The following PCDH15 variants were observed in gnomAD, a reference collection of about 807,000 sequenced individuals.
The protein encoded by PCDH15 is protocadherin related 15.
Under a neutral mutation model 178.5 loss-of-function variants are expected in PCDH15, and 129 were observed. The ratio of observed to expected loss-of-function variants is 0.72; its 90% CI spans 0.63 to 0.84. The LOEUF is 0.84. Ranked by LOEUF, PCDH15 falls within the 40% of genes least tolerant of loss-of-function variation. The probability of loss-of-function intolerance (pLI) is 0.00; values close to 1 mark genes in which losing one functional copy is unlikely to be tolerated. For missense variants in PCDH15, 2,230 were observed against 2,099.9 expected, an observed-to-expected ratio of 1.06 and a Z score of -1.21; for synonymous variants, 800 against 732.0, an observed-to-expected ratio of 1.09 and a Z score of -1.50.
In PCDH15 at chr10:54,027,672, G is replaced by C. The variant is rs560265655; in HGVS notation, c.2221-4475C>G. 3.0e-3 allele frequency among the ~76,000 whole-genome samples: 438 copies of C among 148,076 alleles called. 2 individuals carry two copies. The highest frequency in any genetic ancestry group is 0.01 in the African/African-American group (395 of 39,446). On this transcript the variant is annotated intron_variant, in intron 18 of 37. Transcript: ENST00000644397. ...ACTATCTGATCTTTGACAAACCTGA[G>C]AAAAACAAGCAATGGGGAAAGGATT...
intron 3 of PCDH15, among the ~76,000 whole-genome samples, chr10:54,865,652 G>A (rs572774699): frequency 1.1e-4 from 17 of 152,134 alleles, no homozygotes; most frequent in Non-Finnish European, 2.2e-4. Flanking sequence ...ATTTGGATGC[G>A]GTGCAGAGCC....
intron 18 of PCDH15, among the ~76,000 whole-genome samples, chr10:54,027,184 T>C (rs1320325354): frequency 6.8e-6 from 1 of 148,126 alleles, no homozygotes; most frequent in Non-Finnish European, 1.5e-5. Flanking sequence ...TGAACTCCCA[T>C]TCACAATTGC....
At chr10:54,084,093 T>C (rs2094477820) in intron 16 of PCDH15, among the ~76,000 whole-genome samples, 1 of 151,390 alleles carries the variant, frequency 6.6e-6, no homozygotes, top group Non-Finnish European at 1.5e-5. Flanking sequence ...CTTTTTTTTT[T>C]TTATTTTTTT....
At chr10:54,390,575 G>A (rs866942234) in intron 3 of PCDH15, among the ~76,000 whole-genome samples, 69 of 152,282 alleles carry the variant, frequency 4.5e-4, no homozygotes, top group African/African-American at 1.5e-3. Flanking sequence ...GATTACAGGC[G>A]TGAGCCACCG....
At chr10:53,858,233 C>T (rs978180664) in intron 27 of PCDH15, among the ~76,000 whole-genome samples, 4 of 152,012 alleles carry the variant, frequency 2.6e-5, no homozygotes, top group East Asian at 1.9e-4. Flanking sequence ...TATTTAGCAC[C>T]GTATCTCAAT....
intron 7 of PCDH15, 92 bp downstream of exon 7, chr10:54,329,504 C>T (rs929304870): frequency 5.4e-6 from 5 of 934,522 alleles, no homozygotes; most frequent in East Asian, 2.4e-5. Flanking sequence ...AAGTGAGTGG[C>T]ACAGAGCTCT....
At chr10:54,902,519 A>G (rs1016249739) in intron 2 of PCDH15, among the ~76,000 whole-genome samples, 11 of 152,150 alleles carry the variant, frequency 7.2e-5, no homozygotes, top group African/African-American at 2.2e-4. Context: ...CCATTCTGCC[A>G]TGACTGTAAG....
At chr10:55,480,002 T>C (rs969071034) in intron 2 of PCDH15, among the ~76,000 whole-genome samples, 1 of 144,688 alleles carries the variant, frequency 6.9e-6, no homozygotes, top group Non-Finnish European at 1.5e-5. Flanking sequence ...TGGTTCCATA[T>C]GAATTTTTTA....
intron 2 of PCDH15, among the ~76,000 whole-genome samples, chr10:55,617,940 T>C (rs1465823103): frequency 6.6e-6 from 1 of 152,046 alleles, no homozygotes; most frequent in Non-Finnish European, 1.5e-5. Flanking sequence ...GACACTGCTT[T>C]GTTTTAAAAA....
At chr10:55,355,539 C>A (rs533824023) in intron 2 of PCDH15, among the ~76,000 whole-genome samples, 2 of 152,044 alleles carry the variant, frequency 1.3e-5, no homozygotes, top group Admixed American at 6.6e-5. Context: ...TTATATCTTC[C>A]TGGGTTAAGT....
intron 3 of PCDH15, among the ~76,000 whole-genome samples, chr10:54,872,645 T>G (rs1327979192): frequency 1.3e-5 from 2 of 152,096 alleles, no homozygotes; most frequent in Non-Finnish European, 2.9e-5. Flanking sequence ...TTTGGCTTTA[T>G]GGTAAAGAGG....
chr10:53,978,683 T>A (rs1342856906), intron 21 of PCDH15, among the ~76,000 whole-genome samples: 2 of 147,966 alleles, frequency 1.4e-5, no homozygotes, highest in African/African-American at 5.0e-5. Context: ...TTCTACTGCA[T>A]CATCAGGCTG....
chr10:54,233,330 A>G (rs1181608030), intron 9 of PCDH15, among the ~76,000 whole-genome samples: 2 of 151,606 alleles, frequency 1.3e-5, no homozygotes, highest in Non-Finnish European at 2.9e-5. Flanking sequence ...ATTAAAATAC[A>G]TGTTACAAAG....
intron 2 of PCDH15, among the ~76,000 whole-genome samples, chr10:54,914,859 G>T (rs1954874024): frequency 6.6e-6 from 1 of 152,150 alleles, no homozygotes; most frequent in African/African-American, 2.4e-5. Context: ...CTCACAGATG[G>T]TAAGTGTCGT....
chr10:54,642,999 T>A lies in PCDH15; in HGVS notation c.91+21173A>T, dbSNP rs1056541553. Reference sequence around the variant, plus strand: ...GTGCAATGGCACAGTCTTGGCTTCCTGAAACCTCCGCCTCCTGGGCTCAAG... The same window carrying A: ...GTGCAATGGCACAGTCTTGGCTTCCAGAAACCTCCGCCTCCTGGGCTCAAG... On this transcript the variant is annotated intron_variant, in intron 2 of 37. Coordinates refer to ENST00000644397, the MANE Select transcript of PCDH15 (RefSeq NM_001384140.1). 3.3e-5 allele frequency among the ~76,000 whole-genome samples: 5 copies of A among 152,186 alleles called. No individual in the cohort carries two copies. In the East Asian group the frequency reaches 7.7e-4, roughly 23 times the overall value.
chr10:54,128,932 A>G (rs1051897910), intron 15 of PCDH15, among the ~76,000 whole-genome samples: 1 of 152,194 alleles, frequency 6.6e-6, no homozygotes, highest in African/African-American at 2.4e-5. Flanking sequence ...GAACTAATGT[A>G]ATACAAAACA....
intron 3 of PCDH15, among the ~76,000 whole-genome samples, chr10:54,397,090 G>A (rs186373590): frequency 1.4e-4 from 22 of 152,132 alleles, no homozygotes; most frequent in African/African-American, 4.8e-4. Context: ...TCATCTTGAC[G>A]AAACTTTAAA....
intron 24 of PCDH15, 114 bp downstream of exon 24, chr10:53,940,752 G>T: frequency 1.2e-6 from 1 of 803,840 alleles, no homozygotes; most frequent in Non-Finnish European, 2.1e-6. Context: ...TTTAAGATGG[G>T]CACAATTTTA....
At chr10:54,643,802 CA>C (rs2094052864) in intron 2 of PCDH15, among the ~76,000 whole-genome samples, 1 of 130,224 alleles carries the variant, frequency 7.7e-6, no homozygotes, top group Admixed American at 8.1e-5. Flanking sequence ...AGCTCTGGTT[CA>C]TTTTTTTTAA....
Sources: gnomAD v4.1 joint callset for allele counts (sites outside exome capture counted in the v4.1 genomes callset) on GRCh38, gnomAD v4.1.1 for gene constraint, MANE v1.5 for transcripts, NCBI Gene and HGNC (gene_info 2026-07-23, HGNC 2026-07-21) for gene names.